The following PTPN13 variants were observed in gnomAD, a reference collection of about 807,000 sequenced individuals.
PTPN13 encodes the protein protein tyrosine phosphatase non-receptor type 13.
PTPN13 carries 191 observed loss-of-function variants against 284.0 expected under a neutral mutation model. The ratio of observed to expected loss-of-function variants is 0.67; its 90% confidence interval spans 0.60 to 0.76. The LOEUF is 0.76. Among genes scored for constraint, PTPN13 ranks in the 30% least tolerant of loss-of-function variants. The pLI, the probability that PTPN13 is intolerant of heterozygous loss-of-function variation, is 0.00. For missense variants in PTPN13, 2,797 were observed against 2,939.9 expected (o/e 0.95, Z 1.12); for synonymous variants, 986 against 1,022.3 (o/e 0.96, Z 0.68).
chr4:86,784,384 G>T (rs1223648809), intron 37 of PTPN13, 81 bp from the exon 38 acceptor site: 6 of 856,196 alleles, frequency 7.0e-6, no homozygotes, highest in Non-Finnish European at 7.3e-6. Flanking sequence ...AGAAAGAAGA[G>T]GAGAGAGACA....
chr4:86,732,475 G>C lies in PTPN13; in HGVS notation c.1683+1G>C, dbSNP rs1172352602. On this transcript the variant is annotated splice_donor_variant, in intron 11 of 47. Transcript: ENST00000411767. LOFTEE classifies it high-confidence loss of function. ...TTTGGATTTGCCACGGTCTATTCTT[G>C]TAAGTAATAAAACCAATTTGTGTCA... 6.3e-7 allele frequency: 1 copy of C among 1,599,446 alleles called. No individual in the cohort carries two copies. The highest frequency in any genetic ancestry group is 2.2e-5 in the East Asian group (1 of 44,492).
chr4:86,635,975 A>G (rs1036189108), intron 2 of PTPN13, among the ~76,000 whole-genome samples: 2 of 152,114 alleles, frequency 1.3e-5, no homozygotes, highest in Non-Finnish European at 2.9e-5. Flanking sequence ...AAATAAATAA[A>G]TACACACACA....
rs188598767 is a variant in PTPN13 at position 86,792,104 on chromosome 4, C to T, written c.6346-4770C>T. 2.6e-4 allele frequency among the ~76,000 whole-genome samples: 40 copies of T among 151,998 alleles called. No homozygotes were observed. In the East Asian group the frequency reaches 5.6e-3, roughly 21 times the overall value. ...TAACAAGTCGCAAGAAAGCTAAAAACCTTGAAAAAAAGGTTAGATGAATGG... is the reference window on the plus strand; with the variant it reads ...TAACAAGTCGCAAGAAAGCTAAAAATCTTGAAAAAAAGGTTAGATGAATGG... On this transcript the variant is annotated intron_variant, in intron 40 of 47. Transcript: ENST00000411767.
At chr4:86,605,228 C>G (rs1764648372) in intron 1 of PTPN13, among the ~76,000 whole-genome samples, 1 of 151,694 alleles carries the variant, frequency 6.6e-6, no homozygotes. Flanking sequence ...ACCAATAGTT[C>G]CAGATGCCAC....
At position 86,758,309 on chromosome 4, in the gene PTPN13, C is replaced by G; in HGVS notation, c.3273C>G (p.Ile1091Met). ...WSIVSSPERE[I>M]TLVNLKKDAK... ...TAGTATCTTCACCAGAAAGGGAGAT[C>G]ACCTTAGTGAACCTGAAAAAAGATG... is the stretch of plus-strand genomic sequence containing the variant. Residue 1091 changes from isoleucine to methionine, a missense_variant, in exon 21 of 48, where the codon ATC (isoleucine) becomes ATG (methionine). Ile to Met is a conservative substitution (Grantham distance 10). Coordinates refer to ENST00000411767, the MANE Select transcript of PTPN13 (RefSeq NM_080683.3). 1 of 1,612,054 alleles carries G rather than the reference C, an allele frequency of 6.2e-7. No individual in the cohort carries two copies. Among genetic ancestry groups the G allele is most frequent in the South Asian group, 1.1e-5 (1 of 90,654 alleles).
intron 10 of PTPN13, among the ~76,000 whole-genome samples, chr4:86,728,356 GTCCTGGATA>G (rs1734526506): frequency 6.7e-6 from 1 of 149,116 alleles, no homozygotes; most frequent in African/African-American, 2.4e-5. Context: ...CTGAGTTTAA[GTCCTGGATA>G]TCCTTCTTAA....
rs1649332062 is a variant in PTPN13 at position 86,700,050 on chromosome 4, G to A, written c.635-1191G>A. On this transcript the variant is annotated intron_variant, in intron 6 of 47. Coordinates refer to ENST00000411767, the MANE Select transcript of PTPN13 (RefSeq NM_080683.3). ...TTGAGTAGATTCATGGGAAGATGAG[G>A]CACAATAAAAGCACAATGTTTTAAT... is the stretch of plus-strand genomic sequence containing the variant. Among the ~76,000 whole-genome samples, 5 of 152,172 alleles carry A rather than the reference G, an allele frequency of 3.3e-5. No homozygotes were observed. The South Asian group carries it at 1.0e-3, about 32-fold the overall frequency.
At chr4:86,595,965 G>A (rs902299614) in intron 1 of PTPN13, among the ~76,000 whole-genome samples, 1 of 152,142 alleles carries the variant, frequency 6.6e-6, no homozygotes, top group South Asian at 2.1e-4. Context: ...GCTGCTTGTA[G>A]TGGTGCCAAT....
intron 2 of PTPN13, among the ~76,000 whole-genome samples, chr4:86,638,863 C>A (rs1723381090): frequency 6.6e-6 from 1 of 152,158 alleles, no homozygotes; most frequent in African/African-American, 2.4e-5. Context: ...TTCTGCACAG[C>A]AAAAGAAACT....
At chr4:86,804,305 A>G (rs1744416232) in intron 43 of PTPN13, among the ~76,000 whole-genome samples, 1 of 152,182 alleles carries the variant, frequency 6.6e-6, no homozygotes, top group African/African-American at 2.4e-5. Context: ...GGTACTGTCC[A>G]TATTTACCAC....
chr4:86,807,480 C>G (rs1744776704), intron 44 of PTPN13, 80 bp from the exon 45 acceptor site: 2 of 1,065,390 alleles, frequency 1.9e-6, no homozygotes, highest in Non-Finnish European at 2.8e-6. Context: ...TTCTCATGAT[C>G]TTTGACTCAT....
chr4:86,680,768 T>C (rs1274482021), intron 3 of PTPN13, among the ~76,000 whole-genome samples: 1 of 152,224 alleles, frequency 6.6e-6, no homozygotes. Flanking sequence ...TCCTCTTTTT[T>C]AGATGCACAG....
intron 6 of PTPN13, among the ~76,000 whole-genome samples, chr4:86,695,870 A>G (rs1730541076): frequency 2.0e-5 from 3 of 151,916 alleles, no homozygotes; most frequent in Admixed American, 1.3e-4. Context: ...CAGACAGTGT[A>G]TTTTTCTAAG....
chr4:86,763,250 A>T lies in PTPN13; in HGVS notation c.4017+60A>T. The T allele has an allele frequency of 3.0e-6, 4 of 1,350,562 alleles. No homozygotes were observed. In the Middle Eastern group the frequency reaches 7.5e-4, roughly 255 times the overall value. The allele number at this position is 1,350,562 out of a possible 1,614,324, so 83.7% of individuals were successfully genotyped here. A position where few individuals can be genotyped will look rare whatever the true frequency, so the allele number is the denominator to read the frequency against. On this transcript the variant is annotated intron_variant, in intron 24 of 47. Coordinates refer to ENST00000411767, the MANE Select transcript of PTPN13 (RefSeq NM_080683.3). Reference sequence around the variant, plus strand: ...TTAACAAAGCAAAATAGCAGCAAATAAGTTACAGAGCACAATAATCTACAA... The same window carrying T: ...TTAACAAAGCAAAATAGCAGCAAATTAGTTACAGAGCACAATAATCTACAA...
chr4:86,777,425 C>A (rs543254859), intron 35 of PTPN13, among the ~76,000 whole-genome samples: 4 of 152,076 alleles, frequency 2.6e-5, no homozygotes, highest in African/African-American at 9.7e-5. Flanking sequence ...TATTAGGACC[C>A]CTGTGATTAT....
intron 7 of PTPN13, among the ~76,000 whole-genome samples, chr4:86,709,871 C>A (rs1366438476): frequency 1.5e-5 from 2 of 137,544 alleles, no homozygotes; most frequent in Non-Finnish European, 3.2e-5. Flanking sequence ...TATAGAGTGA[C>A]TAACAGTTTG....
intron 40 of PTPN13, among the ~76,000 whole-genome samples, chr4:86,786,618 C>G (rs1411670867): frequency 1.3e-5 from 2 of 152,040 alleles, no homozygotes; most frequent in African/African-American, 2.4e-5. Flanking sequence ...TCTTAAGATG[C>G]TCTTTCATAT....
At chr4:86,656,958 G>A (rs916355412) in intron 2 of PTPN13, among the ~76,000 whole-genome samples, 2 of 152,206 alleles carry the variant, frequency 1.3e-5, no homozygotes, top group Non-Finnish European at 2.9e-5. Context: ...CTGCCGCCTT[G>A]CAGTTTGATC....
chr4:86,737,080 T>C (rs1735603308), intron 15 of PTPN13, among the ~76,000 whole-genome samples: 1 of 151,962 alleles, frequency 6.6e-6, no homozygotes, highest in Non-Finnish European at 1.5e-5. Context: ...TTAAAATATA[T>C]GTGCAGTTGA....
Sources: gnomAD v4.1 joint callset for allele counts (sites outside exome capture counted in the v4.1 genomes callset) on GRCh38, gnomAD v4.1.1 for gene constraint, MANE v1.5 for transcripts, NCBI Gene and HGNC (gene_info 2026-07-23, HGNC 2026-07-21) for gene names.